Variants in PSMB9 observed in about 807,000 individuals in gnomAD.
PSMB9 encodes the protein proteasome 20S subunit beta 9, also known as proteasome subunit beta type-9.
PSMB9 carries 16 observed loss-of-function variants against 26.9 expected under a neutral mutation model. The ratio of observed to expected loss-of-function variants is 0.59; its 90% CI spans 0.40 to 0.90. The LOEUF (loss-of-function observed/expected upper bound fraction) is 0.90, where lower values mean the gene tolerates loss of function less well. Among genes scored for constraint, PSMB9 ranks in the 40% least tolerant of loss-of-function variants. PSMB9 has a pLI of 0.00. For missense variants in PSMB9, 253 were observed against 292.2 expected, an observed-to-expected ratio of 0.87 and a Z score of 0.98; for synonymous variants, 91 against 112.0, an observed-to-expected ratio of 0.81 and a Z score of 1.18.
chr6:32,855,831 C>T (rs1464926693), intron 1 of PSMB9, among the ~76,000 whole-genome samples: 1 of 152,218 alleles, frequency 6.6e-6, no homozygotes, highest in Non-Finnish European at 1.5e-5. Flanking sequence ...TCACTTCTAC[C>T]TGTAGGAGCC....
chr6:32,855,953 G>A (rs1445887345), intron 1 of PSMB9, 185 bp from the exon 2 acceptor site: 1 of 585,952 alleles, frequency 1.7e-6, no homozygotes, highest in East Asian at 2.8e-5. Flanking sequence ...CCTGCAGCCG[G>A]ATGAAGCAAT....
chr6:32,857,382 T>C lies in PSMB9; in HGVS notation c.248T>C (p.Leu83Pro), dbSNP rs1476747871. Residue 83 changes from leucine (L) to proline (P), a missense_variant, in exon 3 of 6, where the codon CTG becomes CCG. By Grantham distance (98) the Leu-to-Pro change is moderately conservative (BLOSUM62 -3). Transcript: ENST00000374859. ...QAVADMAAYQ[L>P]ELHGIELEEP... The stretch of plus-strand genomic sequence containing the variant: ...GTGGCCGACATGGCCGCCTACCAGC[T>C]GGAGCTCCATGGGTATGAAGCTCTG... The C allele has an allele frequency of 6.2e-7, 1 of 1,612,356 alleles. No individual in the cohort carries two copies. Among genetic ancestry groups the C allele is most frequent in the East Asian group, 2.2e-5 (1 of 44,878 alleles).
chr6:32,854,378 C>A lies in PSMB9; in HGVS notation c.60+89C>A. The A allele has an allele frequency of 1.6e-6, 2 of 1,263,214 alleles. No homozygotes were observed. The highest frequency in any genetic ancestry group is 1.1e-6 in the Non-Finnish European group (1 of 943,092). The allele number at this position is 1,263,214 out of a possible 1,614,324, so 78.3% of individuals were successfully genotyped here. The stretch of plus-strand genomic sequence containing the variant: ...GGAAGCGCGCGCGGAGAAGTGAATG[C>A]AGAGACCAACGGGAGCGCAGGGAGG... On this transcript the variant is annotated intron_variant, in intron 1 of 5. Transcript: ENST00000374859. This position sits in a 1 kb window ranked among gnomAD's most constrained non-coding sequence, Gnocchi z 4.6.
At chr6:32,857,676 G>T in intron 3 of PSMB9, 3 of 529,794 alleles carry the variant, frequency 5.7e-6, no homozygotes, top group East Asian at 3.0e-5. Context: ...AGGTGATATT[G>T]TGACCCACCA....
At position 32,859,669 on chromosome 6, in the gene PSMB9, A is replaced by G; in HGVS notation, c.*137A>G. 1.0e-6 allele frequency: 1 copy of G among 999,916 alleles called. No individual in the cohort carries two copies. Among genetic ancestry groups the G allele is most frequent in the Non-Finnish European group, 1.4e-6 (1 of 693,426 alleles). The allele number at this position is 999,916 out of a possible 1,614,324, so 61.9% of individuals were successfully genotyped here. ...GCTTCCCTCCTAGATGTCAGCATAC[A>G]CTCTTTCTTCTTTTGTCCCAGGTCT... On this transcript the variant is annotated 3_prime_UTR_variant, in exon 6 of 6. Coordinates refer to ENST00000374859, the MANE Select transcript of PSMB9 (RefSeq NM_002800.5).
In PSMB9 at chr6:32,858,535, G is replaced by C. The variant is rs1771278947; in HGVS notation, c.532+30G>C. 1 of 1,612,616 alleles carries C rather than the reference G, an allele frequency of 6.2e-7. No homozygotes were observed. Among genetic ancestry groups the C allele is most frequent in the South Asian group, 1.1e-5 (1 of 91,076 alleles). The stretch of plus-strand genomic sequence containing the variant: ...CCAGCCAAGTGGAAGGGTACCTGGG[G>C]AGGGCTTTGAAACATGGGAAGGAAG... On this transcript the variant is annotated intron_variant, in intron 5 of 5. Coordinates refer to ENST00000374859, the MANE Select transcript of PSMB9 (RefSeq NM_002800.5). This position sits in a 1 kb window ranked among gnomAD's most constrained non-coding sequence, Gnocchi z 5.2.
chr6:32,855,993 A>G, intron 1 of PSMB9, 145 bp from the exon 2 acceptor site: 1 of 660,176 alleles, frequency 1.5e-6, no homozygotes, highest in Non-Finnish European at 2.6e-6. Flanking sequence ...AGGGAAAAAA[A>G]GCCTGTACTG....
intron 3 of PSMB9, chr6:32,857,740 C>A: frequency 1.8e-6 from 1 of 556,408 alleles, no homozygotes; most frequent in Non-Finnish European, 3.1e-6. Flanking sequence ...CGGAAGTAAC[C>A]TTATCTGCTT....
In PSMB9 at chr6:32,858,225, C is replaced by T; in HGVS notation, c.390+91C>T. On this transcript the variant is annotated intron_variant, in intron 4 of 5. Coordinates refer to ENST00000374859, the MANE Select transcript of PSMB9 (RefSeq NM_002800.5). This position sits in a 1 kb window ranked among gnomAD's most constrained non-coding sequence, Gnocchi z 5.2. ...TCCTATGTCATTCTAGCAATGAGTT[C>T]CAAGGACACTACCTCTGAAAGCATA... 6.3e-7 allele frequency: 1 copy of T among 1,595,804 alleles called. No homozygotes were observed. The highest frequency in any genetic ancestry group is 8.6e-7 in the Non-Finnish European group (1 of 1,169,092).
rs1771247378 is a variant in PSMB9, at chr6:32,858,026, A to G, written c.282A>G (p.Pro94=). Residue 94 remains proline, a synonymous_variant, in exon 4 of 6, where the codon CCA becomes CCG. Transcript: ENST00000374859. The surrounding 1 kb of genome is among the most constrained non-coding windows in gnomAD (Gnocchi z 5.2). The stretch of plus-strand genomic sequence containing the variant: ...TCAGGATAGAACTGGAGGAACCTCC[A>G]CTTGTTTTGGCTGCTGCAAATGTGG... ...ELHGIELEEP[P]LVLAAANVVR... is the part of the protein sequence containing the mutation. 6.2e-7 allele frequency: 1 copy of G among 1,613,112 alleles called. No individual in the cohort carries two copies. Among genetic ancestry groups the G allele is most frequent in the Non-Finnish European group, 8.5e-7 (1 of 1,180,036 alleles).
Position 32,858,023 on chromosome 6 carries a change from T to G in PSMB9, c.279T>G (p.Pro93=). The G allele has an allele frequency of 6.2e-7, 1 of 1,613,118 alleles. No homozygotes were observed. Among genetic ancestry groups the G allele is most frequent in the Non-Finnish European group, 8.5e-7 (1 of 1,180,024 alleles). ...LELHGIELEE[P]PLVLAAANVV... ...CCCTCAGGATAGAACTGGAGGAACC[T>G]CCACTTGTTTTGGCTGCTGCAAATG... Residue 93 remains proline (P), a synonymous_variant, in exon 4 of 6, where the codon CCT becomes CCG. Transcript: ENST00000374859. The surrounding 1 kb of genome is among the most constrained non-coding windows in gnomAD (Gnocchi z 5.2).
In PSMB9 at chr6:32,858,274, A is replaced by G. The variant is rs891795681; in HGVS notation, c.391-90A>G. 6.2e-7 allele frequency: 1 copy of G among 1,601,270 alleles called. No homozygotes were observed. Among genetic ancestry groups the G allele is most frequent in the Non-Finnish European group, 8.5e-7 (1 of 1,171,714 alleles). Reference sequence around the variant, plus strand: ...TAGTACTTTGGGGATATGAGATACCAGGGCTTCATTGCAGGGTGCAGAGAC... The same window carrying G: ...TAGTACTTTGGGGATATGAGATACCGGGGCTTCATTGCAGGGTGCAGAGAC... On this transcript the variant is annotated intron_variant, in intron 4 of 5. Transcript: ENST00000374859. This position sits in a 1 kb window ranked among gnomAD's most constrained non-coding sequence, Gnocchi z 5.2.
chr6:32,856,275 A>G (rs529505736), intron 2 of PSMB9, 70 bp downstream of exon 2: 6 of 1,483,182 alleles, frequency 4.0e-6, no homozygotes, highest in South Asian at 2.3e-5. Flanking sequence ...TTCCTTACCC[A>G]TTCATGAAAA....
intron 3 of PSMB9, 31 bp downstream of exon 3, chr6:32,857,425 C>G (rs754584201): frequency 1.1e-4 from 170 of 1,603,026 alleles, no homozygotes; most frequent in Non-Finnish European, 1.4e-4. Context: ...GACTCCCCAC[C>G]CACTAGAGCT....
At chr6:32,856,657 C>A (rs1224044947) in intron 2 of PSMB9, 2 of 159,914 alleles carry the variant, frequency 1.3e-5, no homozygotes, top group Non-Finnish European at 2.7e-5. Context: ...ACATTATGTT[C>A]CATAGAACAT....
intron 1 of PSMB9, among the ~76,000 whole-genome samples, chr6:32,855,447 CTCAG>C (rs1260574660): frequency 6.6e-6 from 1 of 152,164 alleles, no homozygotes; most frequent in Non-Finnish European, 1.5e-5. Context: ...GCTTAAACTT[CTCAG>C]TCAAATTATC....
In PSMB9 at chr6:32,859,672, C is replaced by T; in HGVS notation, c.*140C>T. 1 of 977,286 alleles carries T rather than the reference C, an allele frequency of 1.0e-6. No homozygotes were observed. The highest frequency in any genetic ancestry group is 1.5e-6 in the Non-Finnish European group (1 of 675,274). 60.5% of individuals were successfully genotyped at this position (977,286 alleles called of 1,614,324 possible). On this transcript the variant is annotated 3_prime_UTR_variant, in exon 6 of 6. Transcript: ENST00000374859. The stretch of plus-strand genomic sequence containing the variant: ...TCCCTCCTAGATGTCAGCATACACT[C>T]TTTCTTCTTTTGTCCCAGGTCTAAA...
intron 2 of PSMB9, 134 bp downstream of exon 2, chr6:32,856,339 T>A: frequency 1.2e-6 from 1 of 832,126 alleles, no homozygotes; most frequent in Non-Finnish European, 1.9e-6. Flanking sequence ...CAAAAGCCAC[T>A]ATGATAAGCT....
In PSMB9 at chr6:32,858,294, A is replaced by G; in HGVS notation, c.391-70A>G. ...ATACCAGGGCTTCATTGCAGGGTGCAGAGACCACTTAATGTCTCAGTGGGA... is the reference window on the plus strand; with the variant it reads ...ATACCAGGGCTTCATTGCAGGGTGCGGAGACCACTTAATGTCTCAGTGGGA... On this transcript the variant is annotated intron_variant, in intron 4 of 5. Transcript: ENST00000374859. The surrounding 1 kb of genome is among the most constrained non-coding windows in gnomAD (Gnocchi z 5.2). 1 of 1,608,486 alleles carries G rather than the reference A, an allele frequency of 6.2e-7. No individual in the cohort carries two copies. The highest frequency in any genetic ancestry group is 8.5e-7 in the Non-Finnish European group (1 of 1,176,500).
Sources: gnomAD v4.1 joint callset for allele counts (sites outside exome capture counted in the v4.1 genomes callset) on GRCh38, gnomAD v4.1.1 for gene constraint, Gnocchi (gnomAD v3.1) non-coding constraint, MANE v1.5 for transcripts, NCBI Gene and HGNC (gene_info 2026-07-23, HGNC 2026-07-21) for gene names.